Variants in LARP1 observed in about 807,000 individuals in gnomAD.
LARP1 encodes la-related protein 1.
Under a neutral mutation model 122.7 loss-of-function variants are expected in LARP1, and 36 were observed. That is an observed-to-expected ratio of 0.29 (90% confidence interval 0.22 to 0.39). LARP1 has a LOEUF of 0.39. Ranked by LOEUF, LARP1 falls within the 10% of genes least tolerant of loss-of-function variation. The pLI, the probability that LARP1 is intolerant of heterozygous loss-of-function variation, is 1.00. For missense variants in LARP1, 1,040 were observed against 1,403.6 expected (o/e 0.74, Z 4.14); for synonymous variants, 539 against 528.7 (o/e 1.02, Z -0.27).
In LARP1 at chr5:154,795,376, G is replaced by T. The variant is rs930226831; in HGVS notation, c.1377+57G>T. The T allele has an allele frequency of 4.4e-6, 7 of 1,574,808 alleles. No homozygotes were observed. The South Asian group carries it at 6.8e-5, about 15-fold the overall frequency. Reference sequence around the variant, plus strand: ...GGGAAAGAAAGGTCCTTAGGGAGCTGGAGTTTGGGCCAAGGCAGAAAGCCC... The same window carrying T: ...GGGAAAGAAAGGTCCTTAGGGAGCTTGAGTTTGGGCCAAGGCAGAAAGCCC... On this transcript the variant is annotated intron_variant, in intron 8 of 18. Transcript: ENST00000518297.
At chr5:154,700,626 TTTG>T (rs1299639846) in intron 1 of LARP1, among the ~76,000 whole-genome samples, 6 of 151,976 alleles carry the variant, frequency 3.9e-5, no homozygotes, top group Non-Finnish European at 5.9e-5. Flanking sequence ...CTCTATCACC[TTTG>T]TTGTTGTTGT....
intron 1 of LARP1, among the ~76,000 whole-genome samples, chr5:154,768,846 G>A (rs1755169514): frequency 6.6e-6 from 1 of 152,112 alleles, no homozygotes; most frequent in Admixed American, 6.6e-5. Context: ...CTCCCAAAGT[G>A]CTGTGATTAC....
chr5:154,764,152 T>TA (rs1201179717), intron 1 of LARP1, among the ~76,000 whole-genome samples: 1 of 149,890 alleles, frequency 6.7e-6, no homozygotes, highest in African/African-American at 2.5e-5. Context: ...CTACTAAACA[T>TA]ACAAAAATTA....
intron 1 of LARP1, among the ~76,000 whole-genome samples, chr5:154,773,202 C>T (rs1755585383): frequency 6.6e-6 from 1 of 152,042 alleles, no homozygotes; most frequent in African/African-American, 2.4e-5. Context: ...TTATACTGTA[C>T]TCACGTATTT....
chr5:154,723,004 T>C (rs2113359854), intron 1 of LARP1, among the ~76,000 whole-genome samples: 1 of 152,330 alleles, frequency 6.6e-6, no homozygotes, highest in Middle Eastern at 3.4e-3. Context: ...TTAACTCTTC[T>C]CTGCTTCAGA....
intron 1 of LARP1, among the ~76,000 whole-genome samples, chr5:154,688,745 G>A (rs1256400732): frequency 6.6e-6 from 1 of 151,410 alleles, no homozygotes; most frequent in Non-Finnish European, 1.5e-5. Context: ...AGGATCTCTT[G>A]AGTCTGGAAG....
At position 154,802,268 on chromosome 5, in the gene LARP1, G is replaced by T. The variant is rs765076218; in HGVS notation, c.1978G>T (p.Asp660Tyr). The change falls in exon 11 of 19, where the codon GAC (aspartate) becomes TAC (tyrosine). Residue 660 changes from aspartate to tyrosine, a missense_variant. By Grantham distance (160) the Asp-to-Tyr change is radical. Transcript: ENST00000518297. The surrounding 1 kb of genome is among the most constrained non-coding windows in gnomAD (Gnocchi z 5.1). ...TTACATGCGCCGGCACCCAGGGGGG[G>T]ACCGCACAGGCAACCACACCTCGCG... is the stretch of plus-strand genomic sequence containing the variant. ...PHYMRRHPGG[D>Y]RTGNHTSRAK... 4.0e-5 allele frequency: 65 copies of T among 1,614,066 alleles called. No homozygotes were observed. Among genetic ancestry groups the T allele is most frequent in the South Asian group, 1.4e-4 (13 of 91,080 alleles).
Position 154,755,741 on chromosome 5 carries a change from G to C in LARP1, c.-17G>C, listed in dbSNP as rs957682804. 4 of 987,364 alleles carry C rather than the reference G, an allele frequency of 4.1e-6. No individual in the cohort carries two copies. Among genetic ancestry groups the C allele is most frequent in the African/African-American group, 1.8e-5 (1 of 57,130 alleles). 61.2% of individuals were successfully genotyped at this position (987,364 alleles called of 1,614,324 possible). A position where few individuals can be genotyped will look rare whatever the true frequency, so the allele number is the denominator to read the frequency against. Reference sequence around the variant, plus strand: ...GCCTCGGGCGCGCCCGGCTTCTCCGGGGGGGCGGGCGCGCAGATGGCCACT... The same window carrying C: ...GCCTCGGGCGCGCCCGGCTTCTCCGCGGGGGCGGGCGCGCAGATGGCCACT... On this transcript the variant is annotated 5_prime_UTR_variant, in exon 1 of 19. Coordinates refer to ENST00000518297, the MANE Select transcript of LARP1 (RefSeq NM_033551.3).
At chr5:154,766,601 G>T (rs1033533686) in intron 1 of LARP1, among the ~76,000 whole-genome samples, 1 of 152,152 alleles carries the variant, frequency 6.6e-6, no homozygotes, top group African/African-American at 2.4e-5. Context: ...CAGCTGGCTG[G>T]GTGGGAACAA....
At chr5:154,735,527 T>A (rs1756831494) in intron 1 of LARP1, among the ~76,000 whole-genome samples, 2 of 149,272 alleles carry the variant, frequency 1.3e-5, no homozygotes, top group Admixed American at 1.4e-4. Flanking sequence ...CATATGGTAG[T>A]TCCATTTTTA....
At chr5:154,763,308 C>T (rs1754630255) in intron 1 of LARP1, among the ~76,000 whole-genome samples, 1 of 151,970 alleles carries the variant, frequency 6.6e-6, no homozygotes, top group Non-Finnish European at 1.5e-5. Context: ...GTGATCTGCC[C>T]ACTTCGGCCT....
chr5:154,707,748 T>C (rs373712226), intron 1 of LARP1, among the ~76,000 whole-genome samples: 1 of 152,128 alleles, frequency 6.6e-6, no homozygotes, highest in Non-Finnish European at 1.5e-5. Context: ...ACGGTCCCAT[T>C]TGGGGGTGAT....
chr5:154,810,381 AG>A lies in LARP1; in HGVS notation c.2844-865del, dbSNP rs1293468455. On this transcript the variant is annotated intron_variant, in intron 16 of 18. Transcript: ENST00000518297. ...AACCCAGGAGGCAGAGGTTGCAGTG[AG>A]CCAAGATCGTGCCACTGCACTCCAG... Among the ~76,000 whole-genome samples the A allele has an allele frequency of 1.7e-4, 25 of 150,842 alleles. 1 individual carries two copies. The highest frequency in any genetic ancestry group is 5.8e-4 in the African/African-American group (24 of 41,180).
At chr5:154,710,566 AC>A (rs1371940842), upstream of LARP1, among the ~76,000 whole-genome samples, 4 of 151,950 alleles carry the variant, frequency 2.6e-5, no homozygotes, top group African/African-American at 9.7e-5. Context: ...ACATGGTGAA[AC>A]CCTGTCTCTA....
At chr5:154,806,159 T>C in intron 15 of LARP1, 127 bp downstream of exon 15, 1 of 1,027,180 alleles carries the variant, frequency 9.7e-7, no homozygotes. Context: ...AGACATGACA[T>C]TATAGCAAGA....
chr5:154,813,888 C>T lies in LARP1; in HGVS notation c.3083C>T (p.Pro1028Leu). 6.2e-7 allele frequency: 1 copy of T among 1,613,156 alleles called. No homozygotes were observed. The highest frequency in any genetic ancestry group is 8.5e-7 in the Non-Finnish European group (1 of 1,179,476). Reference protein sequence around the residue: ...FRRLEDFRVDPPMGEEGNHKR... With the variant: ...FRRLEDFRVDLPMGEEGNHKR... ...CTGTGACTCCTTCCTCTGTTGCAGCCCCCCATGGGTGAGGAGGGCAACCAC... is the reference window on the plus strand; with the variant it reads ...CTGTGACTCCTTCCTCTGTTGCAGCTCCCCATGGGTGAGGAGGGCAACCAC... Residue 1028 changes from proline (P) to leucine (L), a missense_variant and splice_region_variant, in exon 19 of 19, where the codon CCC becomes CTC. Around this residue, in one of 8 missense-constraint regions of LARP1, gnomAD observed 129 missense variants for 160.8 expected, o/e 0.80. Coordinates refer to ENST00000518297, the MANE Select transcript of LARP1 (RefSeq NM_033551.3).
At chr5:154,735,605 G>A (rs1181729604) in intron 1 of LARP1, among the ~76,000 whole-genome samples, 2 of 148,532 alleles carry the variant, frequency 1.3e-5, no homozygotes, top group Non-Finnish European at 3.0e-5. Flanking sequence ...TTTCGCTCTT[G>A]TTGTCCAGGC....
At chr5:154,784,091 GC>G (rs943502492) in intron 1 of LARP1, among the ~76,000 whole-genome samples, 2 of 152,202 alleles carry the variant, frequency 1.3e-5, no homozygotes, top group South Asian at 2.1e-4. Flanking sequence ...ATTTGGGAGG[GC>G]CCCAGCTGAA....
upstream of LARP1, among the ~76,000 whole-genome samples, chr5:154,708,595 G>A (rs1373689006): frequency 1.3e-5 from 2 of 152,062 alleles, no homozygotes; most frequent in African/African-American, 2.4e-5. Context: ...TTTTAATTAC[G>A]TTCTGCAAAA....
Sources: allele counts gnomAD v4.1 joint callset (sites outside exome capture counted in the v4.1 genomes callset), GRCh38; gene constraint gnomAD v4.1.1; regional missense constraint gnomAD v4.1.1; non-coding constraint Gnocchi (gnomAD v3.1); transcripts MANE v1.5; gene names NCBI Gene and HGNC (gene_info 2026-07-23, HGNC 2026-07-21).